Variants in FBXL5 observed in about 807,000 individuals in gnomAD.
FBXL5 encodes the protein F-box/LRR-repeat protein 5.
Under a neutral mutation model 78.3 loss-of-function variants are expected in FBXL5, and 26 were observed. That is an observed-to-expected ratio of 0.33 (90% CI 0.24 to 0.46). The LOEUF (loss-of-function observed/expected upper bound fraction) is 0.46. Ranked by LOEUF, FBXL5 falls within the 20% of genes least tolerant of loss-of-function variation. The probability of loss-of-function intolerance (pLI) is 1.00; values close to 1 mark genes in which losing one functional copy is unlikely to be tolerated. For missense variants in FBXL5, 710 were observed against 829.2 expected (o/e 0.86, Z 1.77); for synonymous variants, 295 against 282.5 (o/e 1.04, Z -0.45).
At chr4:15,636,838 T>A (rs1343277775) in intron 4 of FBXL5, among the ~76,000 whole-genome samples, 162 bp from the exon 5 acceptor site, 1 of 152,216 alleles carries the variant, frequency 6.6e-6, no homozygotes, top group Non-Finnish European at 1.5e-5. Context: ...AACATGGGGA[T>A]GTTAAACTTG....
chr4:15,673,756 C>T (rs947891269), intron 1 of FBXL5, among the ~76,000 whole-genome samples: 2 of 152,186 alleles, frequency 1.3e-5, no homozygotes, highest in African/African-American at 4.8e-5. Flanking sequence ...CTATGCAGCT[C>T]TCTCCCTTCT....
chr4:15,627,911 A>AT lies in FBXL5; in HGVS notation c.1014dup (p.Tyr339IlefsTer11). On this transcript the variant is annotated frameshift_variant, in exon 7 of 11. Transcript: ENST00000341285. LOFTEE classifies it high-confidence loss of function. ...ATTTTGCTGGAAACTGCAGAGCTGTATGCTAATACTAAGGTTTTTACAGAA... is the reference window on the plus strand; with the variant it reads ...ATTTTGCTGGAAACTGCAGAGCTGTATTGCTAATACTAAGGTTTTTACAGAA... 6.2e-7 allele frequency: 1 copy of AT among 1,613,528 alleles called. No homozygotes were observed. Among genetic ancestry groups the AT allele is most frequent in the Non-Finnish European group, 8.5e-7 (1 of 1,179,814 alleles).
chr4:15,634,149 C>T (rs1371303173), intron 5 of FBXL5, among the ~76,000 whole-genome samples: 1 of 152,146 alleles, frequency 6.6e-6, no homozygotes, highest in African/African-American at 2.4e-5. Context: ...CCACTCAAAG[C>T]ACATACTATA....
At chr4:15,674,854 T>A (rs1717923143) in intron 1 of FBXL5, among the ~76,000 whole-genome samples, 1 of 152,210 alleles carries the variant, frequency 6.6e-6, no homozygotes, top group South Asian at 2.1e-4. Context: ...TTTCACCGTG[T>A]TAGCCAGGAT....
chr4:15,657,205 G>A (rs1370436276), upstream of FBXL5, among the ~76,000 whole-genome samples: 4 of 151,918 alleles, frequency 2.6e-5, no homozygotes. Flanking sequence ...TTTCACTCCA[G>A]CTATCTTGGA....
At chr4:15,660,906 A>G (rs182052270), upstream of FBXL5, among the ~76,000 whole-genome samples, 51 of 152,126 alleles carry the variant, frequency 3.4e-4, no homozygotes, top group Non-Finnish European at 6.8e-4. Flanking sequence ...GCGAAACTCC[A>G]TCTCTACTAA....
At chr4:15,627,620 A>C (rs1287168544) in intron 7 of FBXL5, among the ~76,000 whole-genome samples, 1 of 152,228 alleles carries the variant, frequency 6.6e-6, no homozygotes, top group Non-Finnish European at 1.5e-5. Flanking sequence ...ATCACTTAAC[A>C]TCTGTGAAAC....
chr4:15,636,094 A>T (rs1270922035), intron 5 of FBXL5, among the ~76,000 whole-genome samples: 1 of 152,040 alleles, frequency 6.6e-6, no homozygotes, highest in Non-Finnish European at 1.5e-5. Context: ...ATATTCATAT[A>T]ATTATTATTA....
At chr4:15,679,063 ATTTTT>A (rs60866290) in intron 1 of FBXL5, among the ~76,000 whole-genome samples, 2 of 118,754 alleles carry the variant, frequency 1.7e-5, no homozygotes, top group African/African-American at 3.1e-5. Context: ...TAAAATCTCT[ATTTTT>A]TTTTTTTTTT....
chr4:15,674,859 C>G (rs759322039), intron 1 of FBXL5, among the ~76,000 whole-genome samples: 37 of 152,276 alleles, frequency 2.4e-4, no homozygotes, highest in Non-Finnish European at 4.7e-4. Context: ...CCGTGTTAGC[C>G]AGGATGGTCT....
chr4:15,646,793 G>A (rs1016964132), intron 1 of FBXL5, among the ~76,000 whole-genome samples: 6 of 150,536 alleles, frequency 4.0e-5, no homozygotes, highest in African/African-American at 1.5e-4. Context: ...AGAACATGCG[G>A]TGTTTGGTTT....
chr4:15,620,790 C>G (rs111651171), intron 9 of FBXL5, among the ~76,000 whole-genome samples: 1 of 152,238 alleles, frequency 6.6e-6, no homozygotes, highest in Non-Finnish European at 1.5e-5. Flanking sequence ...CTGGCCCGCC[C>G]AGGGCGGAAA....
intron 5 of FBXL5, among the ~76,000 whole-genome samples, chr4:15,636,136 T>C (rs1298869832): frequency 1.3e-5 from 2 of 152,162 alleles, no homozygotes; most frequent in Non-Finnish European, 2.9e-5. Context: ...TTTGAAAGCT[T>C]ACTAATTGAA....
chr4:15,647,306 A>C (rs1715478504), intron 1 of FBXL5, among the ~76,000 whole-genome samples: 1 of 151,580 alleles, frequency 6.6e-6, no homozygotes, highest in Admixed American at 6.6e-5. Flanking sequence ...TAACAACTAC[A>C]TACATAGCAT....
chr4:15,678,987 T>C (rs1469281727), intron 1 of FBXL5, among the ~76,000 whole-genome samples: 1 of 152,036 alleles, frequency 6.6e-6, no homozygotes, highest in Admixed American at 6.6e-5. Context: ...ACAAACTACA[T>C]TGATAATAGT....
At chr4:15,648,468 T>C (rs1715598607) in intron 1 of FBXL5, among the ~76,000 whole-genome samples, 1 of 152,198 alleles carries the variant, frequency 6.6e-6, no homozygotes, top group Non-Finnish European at 1.5e-5. Flanking sequence ...ATAGCCAAGA[T>C]ATGGAGCCAA....
Position 15,625,757 on chromosome 4 carries a change from C to T in FBXL5, c.1345G>A (p.Asp449Asn), listed in dbSNP as rs144957766. The T allele has an allele frequency of 2.1e-5, 34 of 1,614,100 alleles. No individual in the cohort carries two copies. The East Asian group carries it at 6.0e-4, about 29-fold the overall frequency. ...QSTKQYACLHDLTNKGIGEEI... is the reference protein window; with the variant it reads ...QSTKQYACLHNLTNKGIGEEI... The stretch of plus-strand genomic sequence containing the variant: ...TCTCCAATGCCCTTGTTAGTTAAAT[C>T]GTGCAAACAGGCATACTGCTTGGTG... Residue 449 changes from aspartate (D) to asparagine (N), a missense_variant, in exon 9 of 11, where the codon GAT (aspartate) becomes AAT (asparagine). By Grantham distance (23) the Asp-to-Asn change is conservative (BLOSUM62 1). Around this residue, in one of 4 missense-constraint regions of FBXL5, gnomAD observed 517 missense variants for 542.9 expected, o/e 0.95. Coordinates refer to ENST00000341285, the MANE Select transcript of FBXL5 (RefSeq NM_012161.4).
chr4:15,635,161 G>C lies in FBXL5; in HGVS notation c.766+1333C>G, dbSNP rs184353759. 3.0e-3 allele frequency among the ~76,000 whole-genome samples: 458 copies of C among 150,284 alleles called. 3 individuals carry two copies. The highest frequency in any genetic ancestry group is 0.011 in the African/African-American group (443 of 40,914). Reference sequence around the variant, plus strand: ...AGCCTGACCAACATGGTGAAACCCCGTCTCTACTAAAAGTACAAAAAATTA... The same window carrying C: ...AGCCTGACCAACATGGTGAAACCCCCTCTCTACTAAAAGTACAAAAAATTA... On this transcript the variant is annotated intron_variant, in intron 5 of 10. Coordinates refer to ENST00000341285, the MANE Select transcript of FBXL5 (RefSeq NM_012161.4).
chr4:15,659,788 C>T, upstream of FBXL5: 1 of 966,900 alleles, frequency 1.0e-6, no homozygotes, highest in Non-Finnish European at 1.2e-6. Context: ...GATTTTCAAC[C>T]AGAGGCTCTA....
Sources: gnomAD v4.1 joint callset for allele counts (sites outside exome capture counted in the v4.1 genomes callset) on GRCh38, gnomAD v4.1.1 for gene constraint, gnomAD v4.1.1 regional missense constraint, MANE v1.5 for transcripts, NCBI Gene and HGNC (gene_info 2026-07-23, HGNC 2026-07-21) for gene names.